VEGFD: variants seen among roughly 807,000 people sequenced by gnomAD.
VEGFD encodes vascular endothelial growth factor D.
Under a neutral mutation model 28.0 loss-of-function variants are expected in VEGFD, and 26 were observed. The ratio of observed to expected loss-of-function variants is 0.93; its 90% CI spans 0.68 to 1.29. The LOEUF (loss-of-function observed/expected upper bound fraction) is 1.29. Ranked by LOEUF, VEGFD falls within the 50% of genes most tolerant of loss-of-function variation. The probability of loss-of-function intolerance (pLI) is 0.00; values close to 1 mark genes in which losing one functional copy is unlikely to be tolerated. For synonymous variants in VEGFD, 93 were observed against 95.5 expected, an observed-to-expected ratio of 0.97 and a Z score of 0.15; for missense variants, 294 against 273.4, an observed-to-expected ratio of 1.08 and a Z score of -0.53.
At chrX:15,355,604 A>G (rs764594257) in intron 3 of VEGFD, among the ~76,000 whole-genome samples, 3 of 112,384 alleles carry the variant, frequency 2.7e-5, no homozygotes, top group Non-Finnish European at 3.8e-5. Flanking sequence ...TTAGGATTTT[A>G]TTAGAATAGA....
chrX:15,383,016 C>T (rs917862605), intron 1 of VEGFD, among the ~76,000 whole-genome samples: 5 of 111,872 alleles, frequency 4.5e-5, no homozygotes, highest in Non-Finnish European at 9.4e-5. Context: ...GCGATATCAC[C>T]CCTGTTGAAA....
At position 15,358,753 on chromosome X, in the gene VEGFD, T is replaced by C. The variant is rs757416178; in HGVS notation, c.302-560A>G. ...TTTCTCATTTGCAAGTGCCCGATAC[T>C]GATATTTATGTAAATGATGAAATAA... is the stretch of plus-strand genomic sequence containing the variant. On this transcript the variant is annotated intron_variant, in intron 2 of 6. Coordinates refer to ENST00000297904, the MANE Select transcript of VEGFD (RefSeq NM_004469.5). Among the ~76,000 whole-genome samples, 3 of 111,896 alleles carry C rather than the reference T, an allele frequency of 2.7e-5. No individual in the cohort carries two copies. In the East Asian group the frequency reaches 8.4e-4, roughly 31 times the overall value.
Position 15,384,358 on chromosome X carries a change from C to T in VEGFD, c.-412G>A, listed in dbSNP as rs1403411336. The T allele has an allele frequency of 2.4e-5, 3 of 125,560 alleles. No homozygotes were observed. Among genetic ancestry groups the T allele is most frequent in the Non-Finnish European group, 4.8e-5 (3 of 62,130 alleles). The allele number at this position is 125,560 out of a possible 1,213,427, so 10.3% of individuals were successfully genotyped here. A position where few individuals can be genotyped will look rare whatever the true frequency, so the allele number is the denominator to read the frequency against. The stretch of plus-strand genomic sequence containing the variant: ...AGCTACAGAAAGCTGGAACCCAACT[C>T]TGGATTGAAACTTTTTTGCACAACC... On this transcript the variant is annotated 5_prime_UTR_variant, in exon 1 of 7. Transcript: ENST00000297904.
chrX:15,379,734 C>T (rs180981070), intron 1 of VEGFD, among the ~76,000 whole-genome samples: 17 of 112,022 alleles, frequency 1.5e-4, no homozygotes, highest in Admixed American at 1.5e-3. Flanking sequence ...GCACCTCTAT[C>T]CAATTGTGGT....
intron 1 of VEGFD, among the ~76,000 whole-genome samples, chrX:15,372,594 A>G (rs35993963): frequency 9.1e-6 from 1 of 109,611 alleles, no homozygotes; most frequent in African/African-American, 3.3e-5. Flanking sequence ...AGGATTTTTT[A>G]AAAAAAAACT....
intron 2 of VEGFD, among the ~76,000 whole-genome samples, chrX:15,361,838 T>G (rs1455606282): frequency 9.0e-6 from 1 of 111,097 alleles, no homozygotes; most frequent in African/African-American, 3.3e-5. Context: ...TTTTCTTTCT[T>G]TCTTTCTTTG....
At chrX:15,371,007 T>A (rs1460357239) in intron 1 of VEGFD, among the ~76,000 whole-genome samples, 1 of 110,151 alleles carries the variant, frequency 9.1e-6, no homozygotes, top group Non-Finnish European at 1.9e-5. Context: ...GGTCCTGGGG[T>A]GTTACTCCTT....
intron 5 of VEGFD, among the ~76,000 whole-genome samples, chrX:15,350,787 CTT>C (rs1555947742): frequency 1.0e-5 from 1 of 95,834 alleles, no homozygotes; most frequent in Non-Finnish European, 2.0e-5. Context: ...CTTTCTCTCT[CTT>C]TCTTTTCTTT....
intron 1 of VEGFD, among the ~76,000 whole-genome samples, chrX:15,374,245 C>A (rs1555950253): frequency 1.8e-5 from 2 of 112,319 alleles, no homozygotes; most frequent in South Asian, 7.4e-4. Flanking sequence ...ATAAATGAAG[C>A]CTTATGTTCA....
chrX:15,380,878 T>C (rs972739055), intron 1 of VEGFD, among the ~76,000 whole-genome samples: 3 of 112,613 alleles, frequency 2.7e-5, no homozygotes, highest in Non-Finnish European at 3.8e-5. Flanking sequence ...GTGCACATCG[T>C]GTACAACTGT....
In VEGFD at chrX:15,353,077, C is replaced by T. The variant is rs776505473; in HGVS notation, c.733G>A (p.Gly245Arg). 3.5e-5 allele frequency: 40 copies of T among 1,157,628 alleles called. No individual in the cohort carries two copies. The East Asian group carries it at 1.1e-3, about 32-fold the overall frequency. Residue 245 changes from glycine (G) to arginine (R), a missense_variant, in exon 5 of 7, where the codon GGA becomes AGA. Gly to Arg is a moderately radical substitution (Grantham distance 125, BLOSUM62 -2). Coordinates refer to ENST00000297904, the MANE Select transcript of VEGFD (RefSeq NM_004469.5). ...CVLQEENPLA[G>R]TEDHSHLQEP... is the part of the protein sequence containing the mutation. ...CTACTACTATCATTACCTTCTGTTC[C>T]AGCAAGTGGATTTTCCTCCTGCAAA...
intron 5 of VEGFD, among the ~76,000 whole-genome samples, chrX:15,352,399 C>T: frequency 9.1e-6 from 1 of 109,319 alleles, no homozygotes; most frequent in Middle Eastern, 4.7e-3. Context: ...AAATGTTCAT[C>T]ACCCAAAGTC....
chrX:15,357,579 C>A (rs765242265), intron 3 of VEGFD, among the ~76,000 whole-genome samples: 35 of 111,971 alleles, frequency 3.1e-4, no homozygotes, highest in Non-Finnish European at 6.2e-4. Flanking sequence ...ATTCTGCCCA[C>A]AACCTTCATT....
chrX:15,362,964 A>C (rs1923052801), intron 2 of VEGFD, 145 bp downstream of exon 2: 1 of 463,928 alleles, frequency 2.2e-6, no homozygotes, highest in Non-Finnish European at 3.7e-6. Flanking sequence ...AAAAATCAAG[A>C]TTCTGCACTA....
chrX:15,364,481 A>G (rs1602226968), intron 1 of VEGFD, among the ~76,000 whole-genome samples: 1 of 112,293 alleles, frequency 8.9e-6, no homozygotes, highest in African/African-American at 3.2e-5. Context: ...TATGCATACA[A>G]TGAATTCTAT....
chrX:15,352,404 A>G lies in VEGFD; in HGVS notation c.742+664T>C, dbSNP rs142141648. Among the ~76,000 whole-genome samples, 74 of 110,414 alleles carry G rather than the reference A, an allele frequency of 6.7e-4. No homozygotes were observed. The East Asian group carries it at 0.018, about 27-fold the overall frequency. On this transcript the variant is annotated intron_variant, in intron 5 of 6. Transcript: ENST00000297904. ...ATTTTCAAGCAAATGTTCATCACCC[A>G]AAGTCACAGAATTACGGATTATGAG... is the stretch of plus-strand genomic sequence containing the variant.
intron 1 of VEGFD, among the ~76,000 whole-genome samples, chrX:15,365,689 T>C (rs1923129035): frequency 8.9e-6 from 1 of 112,180 alleles, no homozygotes; most frequent in Non-Finnish European, 1.9e-5. Context: ...CCATTATCAT[T>C]TTCATTATTC....
chrX:15,364,431 C>T (rs1259025751), intron 1 of VEGFD, among the ~76,000 whole-genome samples: 1 of 111,555 alleles, frequency 9.0e-6, no homozygotes, highest in Non-Finnish European at 1.9e-5. Context: ...TATGTAGCCT[C>T]TTGTTCAAAA....
intron 2 of VEGFD, among the ~76,000 whole-genome samples, chrX:15,361,409 C>T (rs1391188918): frequency 1.8e-5 from 2 of 111,416 alleles, no homozygotes; most frequent in African/African-American, 6.5e-5. Context: ...GGCTATGGTT[C>T]CTACCACATC....
Sources: gnomAD v4.1 joint callset for allele counts (sites outside exome capture counted in the v4.1 genomes callset) on GRCh38, gnomAD v4.1.1 for gene constraint, MANE v1.5 for transcripts, NCBI Gene and HGNC (gene_info 2026-07-23, HGNC 2026-07-21) for gene names.